The following ARHGAP28 variants were observed in gnomAD, a reference collection of about 807,000 sequenced individuals.
ARHGAP28 encodes the protein rho GTPase-activating protein 28.
Under a neutral mutation model 90.7 loss-of-function variants are expected in ARHGAP28, and 56 were observed. The ratio of observed to expected loss-of-function variants is 0.62; its 90% CI spans 0.50 to 0.77. ARHGAP28 has a LOEUF of 0.77. Among genes scored for constraint, ARHGAP28 ranks in the 30% least tolerant of loss-of-function variants. The pLI, the probability that ARHGAP28 is intolerant of heterozygous loss-of-function variation, is 0.00. For missense variants in ARHGAP28, 869 were observed against 900.9 expected (o/e 0.96, Z 0.45); for synonymous variants, 308 against 323.3 (o/e 0.95, Z 0.51).
rs958049356 is a variant in ARHGAP28 at position 6,784,096 on chromosome 18, C to T, written c.123-40666C>T. ...TTTGAGTTTACTATCTACTTTCTCCCGGGAGCCCAGTGAAATCCATGCAGT... is the reference window on the plus strand; with the variant it reads ...TTTGAGTTTACTATCTACTTTCTCCTGGGAGCCCAGTGAAATCCATGCAGT... On this transcript the variant is annotated intron_variant, in intron 1 of 17. Transcript: ENST00000383472. Among the ~76,000 whole-genome samples, 15 of 152,170 alleles carry T rather than the reference C, an allele frequency of 9.9e-5. No homozygotes were observed. The East Asian group carries it at 1.2e-3, about 12-fold the overall frequency.
intron 10 of ARHGAP28, among the ~76,000 whole-genome samples, chr18:6,881,797 T>C (rs2057180168): frequency 6.6e-6 from 1 of 152,202 alleles, no homozygotes; most frequent in South Asian, 2.1e-4. Flanking sequence ...GGAGACTTTG[T>C]CAGAATCTAA....
chr18:6,762,562 C>T (rs1411281902), intron 1 of ARHGAP28, among the ~76,000 whole-genome samples: 1 of 152,072 alleles, frequency 6.6e-6, no homozygotes, highest in East Asian at 1.9e-4. Context: ...GAACTGTGTG[C>T]CCCCAGAATT....
intron 1 of ARHGAP28, among the ~76,000 whole-genome samples, chr18:6,733,252 G>A (rs751986878): frequency 6.6e-6 from 1 of 152,048 alleles, no homozygotes; most frequent in Non-Finnish European, 1.5e-5. Flanking sequence ...TATTCAGAAT[G>A]TATAAATTAA....
At chr18:6,900,269 C>T (rs2057331511) in intron 16 of ARHGAP28, among the ~76,000 whole-genome samples, 1 of 144,638 alleles carries the variant, frequency 6.9e-6, no homozygotes, top group African/African-American at 2.6e-5. Context: ...ACAATACAAC[C>T]CAAAATCACT....
At chr18:6,854,558 T>C (rs1260458132) in intron 4 of ARHGAP28, among the ~76,000 whole-genome samples, 2 of 152,202 alleles carry the variant, frequency 1.3e-5, no homozygotes, top group Non-Finnish European at 1.5e-5. Context: ...TTGCTTCAAT[T>C]GAATAGCTCC....
At chr18:6,786,244 C>CT (rs985092422) in intron 1 of ARHGAP28, among the ~76,000 whole-genome samples, 1 of 152,102 alleles carries the variant, frequency 6.6e-6, no homozygotes, top group African/African-American at 2.4e-5. Context: ...TATATTACAC[C>CT]TTTTTTATTT....
chr18:6,747,265 A>G (rs371527646), intron 1 of ARHGAP28, among the ~76,000 whole-genome samples: 60 of 152,188 alleles, frequency 3.9e-4, no homozygotes, highest in African/African-American at 1.4e-3. Context: ...AGGACATGAT[A>G]CTTGAGTTGG....
chr18:6,885,254 C>T lies in ARHGAP28; in HGVS notation c.1454-1903C>T, dbSNP rs535494596. Among the ~76,000 whole-genome samples, 6 of 152,274 alleles carry T rather than the reference C, an allele frequency of 3.9e-5. No homozygotes were observed. In the South Asian group the frequency reaches 8.3e-4, roughly 21 times the overall value. ...TTGCAGGTGGTTGATTTGATACCAG[C>T]GAACCCTGCAGGAAACCCAGAGTTC... is the stretch of plus-strand genomic sequence containing the variant. On this transcript the variant is annotated intron_variant, in intron 11 of 17. Transcript: ENST00000383472.
chr18:6,848,595 G>T (rs1320535297), intron 3 of ARHGAP28, among the ~76,000 whole-genome samples: 1 of 152,206 alleles, frequency 6.6e-6, no homozygotes, highest in East Asian at 1.9e-4. Context: ...TAAGGTAACA[G>T]TTGGCCTTTG....
At chr18:6,754,245 G>A (rs377053057) in intron 1 of ARHGAP28, among the ~76,000 whole-genome samples, 6 of 151,926 alleles carry the variant, frequency 3.9e-5, no homozygotes, top group Admixed American at 6.6e-5. Context: ...TCTTCCAAAC[G>A]GTACCACAAA....
intron 1 of ARHGAP28, among the ~76,000 whole-genome samples, chr18:6,771,411 T>A: frequency 6.6e-6 from 1 of 152,106 alleles, no homozygotes; most frequent in Non-Finnish European, 1.5e-5. Flanking sequence ...TTGTCCTCTC[T>A]AAAATGTGGG....
At chr18:6,765,812 G>A (rs1006734518) in intron 1 of ARHGAP28, among the ~76,000 whole-genome samples, 28 of 151,870 alleles carry the variant, frequency 1.8e-4, no homozygotes, top group African/African-American at 6.0e-4. Context: ...GTTTGTTGTC[G>A]TTTTCTTACT....
At chr18:6,734,617 CTA>C (rs1329831250) in intron 1 of ARHGAP28, among the ~76,000 whole-genome samples, 6 of 152,106 alleles carry the variant, frequency 3.9e-5, no homozygotes, top group African/African-American at 1.4e-4. Flanking sequence ...TGAGGAAAAA[CTA>C]AATTTAGCAA....
intron 3 of ARHGAP28, among the ~76,000 whole-genome samples, chr18:6,839,438 C>T (rs1336863567): frequency 4.6e-5 from 7 of 152,112 alleles, no homozygotes; most frequent in East Asian, 1.9e-4. Flanking sequence ...GGACTATAGG[C>T]GCCAGCCACC....
intron 5 of ARHGAP28, among the ~76,000 whole-genome samples, chr18:6,865,370 G>A (rs908600784): frequency 2.0e-5 from 3 of 152,214 alleles, no homozygotes; most frequent in African/African-American, 7.2e-5. Flanking sequence ...GCTGTAAAAT[G>A]CATTGCATAT....
intron 1 of ARHGAP28, among the ~76,000 whole-genome samples, chr18:6,756,519 A>G (rs2056111127): frequency 6.6e-6 from 1 of 152,226 alleles, no homozygotes; most frequent in African/African-American, 2.4e-5. Flanking sequence ...TTTAATCAAA[A>G]CTGAAGGATT....
intron 5 of ARHGAP28, among the ~76,000 whole-genome samples, chr18:6,865,926 T>C (rs2057034873): frequency 6.6e-6 from 1 of 152,122 alleles, no homozygotes; most frequent in Admixed American, 6.5e-5. Context: ...AGGGAAACGG[T>C]GGGCTCAGTT....
intron 10 of ARHGAP28, among the ~76,000 whole-genome samples, 160 bp downstream of exon 10, chr18:6,876,368 G>GT (rs1394691688): frequency 2.0e-5 from 3 of 152,024 alleles, no homozygotes; most frequent in Non-Finnish European, 2.9e-5. Flanking sequence ...TTGTTCCAGA[G>GT]TTTTTTCATG....
chr18:6,779,691 A>G lies in ARHGAP28; in HGVS notation c.123-45071A>G, dbSNP rs146307153. On this transcript the variant is annotated intron_variant, in intron 1 of 17. Transcript: ENST00000383472. ...TTATGGACAGCAGAAACATCTGCCTATTTTTGTATAGCATTTTAAACATCT... is the reference window on the plus strand; with the variant it reads ...TTATGGACAGCAGAAACATCTGCCTGTTTTTGTATAGCATTTTAAACATCT... 2.3e-3 allele frequency among the ~76,000 whole-genome samples: 351 copies of G among 152,340 alleles called. 3 individuals carry two copies. The highest frequency in any genetic ancestry group is 8.2e-3 in the African/African-American group (339 of 41,570).
Sources: gnomAD v4.1 joint callset for allele counts (sites outside exome capture counted in the v4.1 genomes callset) on GRCh38, gnomAD v4.1.1 for gene constraint, MANE v1.5 for transcripts, NCBI Gene and HGNC (gene_info 2026-07-23, HGNC 2026-07-21) for gene names.